Variants in SCAMP1 observed in about 807,000 individuals in gnomAD.
The protein encoded by SCAMP1 is secretory carrier membrane protein 1.
In SCAMP1, 15 loss-of-function variants were observed where a neutral mutation model predicts 41.8. That is an observed-to-expected ratio of 0.36 (90% CI 0.24 to 0.55). The LOEUF is 0.55. SCAMP1 is among the 20% of genes least tolerant of loss of function. SCAMP1 has a pLI of 0.86. For synonymous variants in SCAMP1, 135 were observed against 136.8 expected (o/e 0.99, Z 0.09); for missense variants, 341 against 412.6 (o/e 0.83, Z 1.50).
At chr5:78,417,090 A>C (rs1414554090) in intron 4 of SCAMP1, among the ~76,000 whole-genome samples, 2 of 152,220 alleles carry the variant, frequency 1.3e-5, no homozygotes, top group East Asian at 1.9e-4. Flanking sequence ...AAAAATTGGA[A>C]GCCTAAGGTA....
chr5:78,449,862 A>G, intron 6 of SCAMP1, 71 bp from the exon 7 acceptor site: 1 of 804,998 alleles, frequency 1.2e-6, no homozygotes, highest in Non-Finnish European at 2.0e-6. Flanking sequence ...ATAATGAGAA[A>G]AATGACGTTT....
intron 6 of SCAMP1, among the ~76,000 whole-genome samples, chr5:78,425,813 TACATGCGCA>T (rs2112155803): frequency 6.6e-6 from 1 of 152,352 alleles, no homozygotes; most frequent in Non-Finnish European, 1.5e-5. Context: ...AGTTTTGGGA[TACATGCGCA>T]GAATGTGCAG....
chr5:78,458,885 A>C (rs59981325), intron 7 of SCAMP1, among the ~76,000 whole-genome samples: 1 of 152,202 alleles, frequency 6.6e-6, no homozygotes, highest in Non-Finnish European at 1.5e-5. Flanking sequence ...GTCTCAAAAA[A>C]AAGAGTAATA....
chr5:78,389,610 A>G (rs1410153720), intron 2 of SCAMP1, among the ~76,000 whole-genome samples: 1 of 152,090 alleles, frequency 6.6e-6, no homozygotes, highest in Non-Finnish European at 1.5e-5. Context: ...AAGTATGAAA[A>G]AAATCCTCAT....
chr5:78,360,976 G>T, intron 1 of SCAMP1: 1 of 496,230 alleles, frequency 2.0e-6, no homozygotes, highest in Non-Finnish European at 3.6e-6. Flanking sequence ...CGACTGGTGA[G>T]GGTCGTGTCT....
chr5:78,416,643 C>A lies in SCAMP1; in HGVS notation c.337C>A (p.Gln113Lys). 6.3e-7 allele frequency: 1 copy of A among 1,580,750 alleles called. No individual in the cohort carries two copies. Among genetic ancestry groups the A allele is most frequent in the South Asian group, 1.2e-5 (1 of 85,878 alleles). The change falls in exon 4 of 9, where the codon CAA becomes AAA. Residue 113 changes from glutamine to lysine, a missense_variant. Transcript: ENST00000621999. The part of the protein sequence containing the change: ...RREREMQNLS[Q>K]HGRKNNWPPL... Reference sequence around the variant, plus strand: ...GGAACGAGAAATGCAAAACCTCAGTCAACATGGTAGTATCCAAAGAAATTT... The same window carrying A: ...GGAACGAGAAATGCAAAACCTCAGTAAACATGGTAGTATCCAAAGAAATTT...
intron 6 of SCAMP1, 25 bp from the exon 7 acceptor site, chr5:78,449,908 C>CT: frequency 7.7e-7 from 1 of 1,306,952 alleles, no homozygotes; most frequent in Non-Finnish European, 1.0e-6. Flanking sequence ...CCCCTTTTTT[C>CT]TTTCTTTCTT....
chr5:78,403,151 A>G (rs1580667644), intron 2 of SCAMP1, among the ~76,000 whole-genome samples: 1 of 152,298 alleles, frequency 6.6e-6, no homozygotes, highest in Non-Finnish European at 1.5e-5. Context: ...GATTACAGGC[A>G]TGAGCCATTG....
At chr5:78,435,047 T>TA (rs1284814523) in intron 6 of SCAMP1, among the ~76,000 whole-genome samples, 1 of 152,160 alleles carries the variant, frequency 6.6e-6, no homozygotes, top group Non-Finnish European at 1.5e-5. Context: ...ATGGTGTATC[T>TA]AAGAGTAGTT....
intron 1 of SCAMP1, among the ~76,000 whole-genome samples, chr5:78,384,639 AT>A (rs1265443620): frequency 1.3e-5 from 2 of 151,834 alleles, no homozygotes; most frequent in African/African-American, 4.8e-5. Context: ...TTTTATGCCG[AT>A]TTTGCTGAGG....
chr5:78,442,722 T>C (rs759387234), intron 6 of SCAMP1, among the ~76,000 whole-genome samples: 11 of 152,248 alleles, frequency 7.2e-5, no homozygotes, highest in South Asian at 2.1e-4. Flanking sequence ...CTGTTTAAGC[T>C]TTCTACATTG....
rs1262574955 is a variant in SCAMP1 at position 78,478,565 on chromosome 5, A to T, written c.*2897A>T. On this transcript the variant is annotated 3_prime_UTR_variant, in exon 9 of 9. Coordinates refer to ENST00000621999, the MANE Select transcript of SCAMP1 (RefSeq NM_004866.6). ...AAAATACAGATCATCTAGAAGTTAGATTCAAAATGGAAAACCTATTCATGG... is the reference window on the plus strand; with the variant it reads ...AAAATACAGATCATCTAGAAGTTAGTTTCAAAATGGAAAACCTATTCATGG... 1 of 152,184 alleles carries T rather than the reference A, an allele frequency of 6.6e-6. No homozygotes were observed. The highest frequency in any genetic ancestry group is 1.9e-4 in the East Asian group (1 of 5,202). The allele number at this position is 152,184 out of a possible 1,614,324, so 9.4% of individuals were successfully genotyped here. A position where few individuals can be genotyped will look rare whatever the true frequency, so the allele number is the denominator to read the frequency against.
intron 6 of SCAMP1, among the ~76,000 whole-genome samples, chr5:78,440,497 A>G (rs1257033180): frequency 6.6e-6 from 1 of 152,190 alleles, no homozygotes; most frequent in Non-Finnish European, 1.5e-5. Flanking sequence ...TTGCCTTGGT[A>G]TCACCAGCGG....
chr5:78,469,916 AAAAAAAAAAAAAAAAAC>A (rs1753839271), intron 8 of SCAMP1, among the ~76,000 whole-genome samples: 1 of 71,090 alleles, frequency 1.4e-5, no homozygotes, highest in African/African-American at 1.0e-4. Context: ...AAAAAAACAA[AAAAAAAAAAAAAAAAAC>A]AACAACACAG....
At chr5:78,406,593 A>G (rs909109796) in intron 2 of SCAMP1, among the ~76,000 whole-genome samples, 1 of 152,242 alleles carries the variant, frequency 6.6e-6, no homozygotes, top group Non-Finnish European at 1.5e-5. Flanking sequence ...ACTATATTAT[A>G]GAGCAGTCCA....
intron 8 of SCAMP1, among the ~76,000 whole-genome samples, chr5:78,469,732 A>G (rs1753826888): frequency 6.6e-6 from 1 of 151,682 alleles, no homozygotes; most frequent in African/African-American, 2.4e-5. Flanking sequence ...TCACCCATTT[A>G]AAATATACGG....
chr5:78,442,547 C>G (rs1272176449), intron 6 of SCAMP1, among the ~76,000 whole-genome samples: 1 of 152,164 alleles, frequency 6.6e-6, no homozygotes, highest in African/African-American at 2.4e-5. Context: ...GTGTGAGCCA[C>G]CGCGCCCGGC....
rs1752029653 is a variant in SCAMP1, at chr5:78,409,966, C to G, written c.136-5554C>G. On this transcript the variant is annotated intron_variant, in intron 2 of 8. Transcript: ENST00000621999. Reference sequence around the variant, plus strand: ...TGTTTTATTGTTGCTGCTTATTACACCAAGAAGACAGGGCTTTGGGGCGAT... The same window carrying G: ...TGTTTTATTGTTGCTGCTTATTACAGCAAGAAGACAGGGCTTTGGGGCGAT... Among the ~76,000 whole-genome samples the G allele has an allele frequency of 3.9e-5, 6 of 152,160 alleles. No individual in the cohort carries two copies. The South Asian group carries it at 1.2e-3, about 32-fold the overall frequency.
At chr5:78,415,705 GT>G in intron 3 of SCAMP1, 87 bp downstream of exon 3, 1 of 819,198 alleles carries the variant, frequency 1.2e-6, no homozygotes, top group Non-Finnish European at 1.9e-6. Context: ...TCTTTATATG[GT>G]TACATTTCTG....
Sources: allele counts gnomAD v4.1 joint callset (sites outside exome capture counted in the v4.1 genomes callset), GRCh38; gene constraint gnomAD v4.1.1; transcripts MANE v1.5; gene names NCBI Gene and HGNC (gene_info 2026-07-23, HGNC 2026-07-21).